LRPPRC: variants seen among roughly 807,000 people sequenced by gnomAD.
LRPPRC encodes the protein leucine-rich PPR motif-containing protein, mitochondrial.
Under a neutral mutation model 180.3 loss-of-function variants are expected in LRPPRC, and 120 were observed. That is an observed-to-expected ratio of 0.67 (90% CI 0.57 to 0.77). The LOEUF (loss-of-function observed/expected upper bound fraction) is 0.77, where lower values mean the gene tolerates loss of function less well. LRPPRC is among the 30% of genes least tolerant of loss of function. The pLI is 0.00. For missense variants in LRPPRC, 2,012 were observed against 1,657.2 expected (o/e 1.21, Z -3.72); for synonymous variants, 723 against 600.0 (o/e 1.21, Z -3.00).
chr2:43,960,004 G>A (rs1234414655), intron 13 of LRPPRC, among the ~76,000 whole-genome samples: 1 of 152,172 alleles, frequency 6.6e-6, no homozygotes, highest in African/African-American at 2.4e-5. Context: ...ACTTCTCTAT[G>A]CCTTTAGTCA....
chr2:43,995,697 G>A (rs986724734), intron 1 of LRPPRC, 102 bp downstream of exon 1: 6 of 1,131,224 alleles, frequency 5.3e-6, no homozygotes, highest in African/African-American at 3.3e-5. Context: ...GGGGCGGGGA[G>A]AAGGGTGGCG....
intron 25 of LRPPRC, among the ~76,000 whole-genome samples, chr2:43,927,909 T>G (rs1671948061): frequency 6.6e-6 from 1 of 152,232 alleles, no homozygotes; most frequent in Non-Finnish European, 1.5e-5. Flanking sequence ...GATTTCTGGC[T>G]TATCTCTTAA....
intron 31 of LRPPRC, chr2:43,903,316 A>G (rs537916050): frequency 6.6e-6 from 1 of 152,354 alleles, no homozygotes; most frequent in Middle Eastern, 3.4e-3. Flanking sequence ...ATTACACTGT[A>G]CAAGTGCCAC....
At position 43,920,296 on chromosome 2, in the gene LRPPRC, C is replaced by G. The variant is rs141057744; in HGVS notation, c.2897-1898G>C. 9.1e-3 allele frequency among the ~76,000 whole-genome samples: 1,379 copies of G among 152,004 alleles called. 10 individuals carry two copies. Among genetic ancestry groups the G allele is most frequent in the Non-Finnish European group, 0.015 (993 of 67,970 alleles). On this transcript the variant is annotated intron_variant, in intron 27 of 37. Transcript: ENST00000260665. ...GATTACAGGTGCGCGCCAGCACACC[C>G]CACTAATTTTTGTATTTTTAGTAGA... is the stretch of plus-strand genomic sequence containing the variant.
intron 27 of LRPPRC, among the ~76,000 whole-genome samples, chr2:43,923,750 G>T (rs188394842): frequency 6.6e-6 from 1 of 151,586 alleles, no homozygotes; most frequent in East Asian, 1.9e-4. Flanking sequence ...CTTCCATGAG[G>T]ACTACTTGAA....
intron 20 of LRPPRC, 136 bp from the exon 21 acceptor site, chr2:43,946,379 C>G (rs751261758): frequency 2.0e-4 from 139 of 688,218 alleles, no homozygotes; most frequent in Admixed American, 3.5e-4. Context: ...AACAACCTGA[C>G]TCTGCCCCTT....
chr2:43,901,794 G>A, intron 31 of LRPPRC: 1 of 404,638 alleles, frequency 2.5e-6, no homozygotes, highest in Non-Finnish European at 4.5e-6. Context: ...GTTCCATTTA[G>A]GGATAACATT....
At chr2:43,923,526 G>C (rs964325932) in intron 27 of LRPPRC, among the ~76,000 whole-genome samples, 1 of 152,138 alleles carries the variant, frequency 6.6e-6, no homozygotes, top group Non-Finnish European at 1.5e-5. Context: ...TGAATAGGAA[G>C]AGTAAGTTTG....
Position 43,979,735 on chromosome 2 carries a change from G to A in LRPPRC, c.469+91C>T, listed in dbSNP as rs916036844. ...AATCAAGTAGCCCTTCCATAAAACT[G>A]AATTACAGCATTTATGTAAACAAAC... On this transcript the variant is annotated intron_variant, in intron 3 of 37. Transcript: ENST00000260665. The A allele has an allele frequency of 7.0e-6, 8 of 1,150,380 alleles. No individual in the cohort carries two copies. In the Admixed American group the frequency reaches 1.5e-4, roughly 21 times the overall value. 71.3% of individuals were successfully genotyped at this position (1,150,380 alleles called of 1,614,324 possible).
At chr2:43,989,980 G>A (rs1466230077) in intron 1 of LRPPRC, among the ~76,000 whole-genome samples, 2 of 152,206 alleles carry the variant, frequency 1.3e-5, no homozygotes, top group Non-Finnish European at 2.9e-5. Flanking sequence ...TTGGGAGGCT[G>A]AGGTGGTGGA....
intron 14 of LRPPRC, among the ~76,000 whole-genome samples, chr2:43,955,913 A>C (rs948518639): frequency 7.9e-5 from 12 of 152,160 alleles, no homozygotes; most frequent in Admixed American, 7.2e-4. Flanking sequence ...TCTGCAAGAG[A>C]GATGTGCGAA....
At chr2:43,890,233 C>T (rs1011846553) in intron 36 of LRPPRC, 1 of 417,446 alleles carries the variant, frequency 2.4e-6, no homozygotes, top group Non-Finnish European at 4.8e-6. Flanking sequence ...CATTCAATCC[C>T]CTTTGGCTTA....
intron 37 of LRPPRC, among the ~76,000 whole-genome samples, chr2:43,889,106 G>A (rs553600649): frequency 1.3e-5 from 2 of 152,214 alleles, no homozygotes; most frequent in East Asian, 3.9e-4. Context: ...CACGAGGTCA[G>A]CAGTTCAAGA....
At position 43,982,396 on chromosome 2, in the gene LRPPRC, G is replaced by A. The variant is rs1674351767; in HGVS notation, c.188C>T (p.Ala63Val). 1.8e-5 allele frequency: 29 copies of A among 1,613,832 alleles called. 1 individual carries two copies. In the East Asian group the frequency reaches 6.2e-4, roughly 35 times the overall value. ...CTCCTCTTGAATATCTTTTTCTTTG[G>A]CAGCAATGGCATACAGCCTGGCTGG... The part of the protein sequence containing the change: ...LSPARLYAIA[A>V]KEKDIQEEST... Residue 63 changes from alanine (A) to valine (V), a missense_variant, in exon 2 of 38, where the codon GCC becomes GTC. Ala to Val is a moderately conservative substitution (Grantham distance 64). Coordinates refer to ENST00000260665, the MANE Select transcript of LRPPRC (RefSeq NM_133259.4).
intron 23 of LRPPRC, among the ~76,000 whole-genome samples, chr2:43,938,637 C>T (rs1220539553): frequency 6.6e-6 from 1 of 152,126 alleles, no homozygotes; most frequent in Non-Finnish European, 1.5e-5. Context: ...CTGATAGTAC[C>T]ACTCATTTGA....
Position 43,948,499 on chromosome 2 carries a change from A to T in LRPPRC, c.1755T>A (p.Leu585=), listed in dbSNP as rs1672781408. The change falls in exon 17 of 38, where the codon CTT becomes CTA. Residue 585 remains leucine, a synonymous_variant. Coordinates refer to ENST00000260665, the MANE Select transcript of LRPPRC (RefSeq NM_133259.4). ...RGPTEAVGYF[L]YNLIDSMSDS... ...CACTCATGCTGTCAATCAAGTTATA[A>T]AGAAAATAGCCAACAGCTTCTGTGG... 7 of 1,600,342 alleles carry T rather than the reference A, an allele frequency of 4.4e-6. No homozygotes were observed. Among genetic ancestry groups the T allele is most frequent in the Non-Finnish European group, 6.0e-6 (7 of 1,167,556 alleles).
At chr2:43,976,418 T>C (rs765836036) in intron 5 of LRPPRC, among the ~76,000 whole-genome samples, 189 bp from the exon 6 acceptor site, 39 of 152,272 alleles carry the variant, frequency 2.6e-4, no homozygotes, top group South Asian at 1.0e-3. Context: ...CTCTAATGTA[T>C]CAACAGTCTT....
chr2:43,962,337 G>C (rs1363459358), intron 12 of LRPPRC, among the ~76,000 whole-genome samples: 1 of 152,076 alleles, frequency 6.6e-6, no homozygotes, highest in Non-Finnish European at 1.5e-5. Context: ...AGGGAAAGAG[G>C]TGAAGACACT....
intron 22 of LRPPRC, among the ~76,000 whole-genome samples, chr2:43,945,110 T>C (rs942169414): frequency 2.0e-5 from 3 of 152,040 alleles, no homozygotes; most frequent in Non-Finnish European, 2.9e-5. Flanking sequence ...GCTGCAGAAA[T>C]GCAAAAAGCA....
Sources: gnomAD v4.1 joint callset for allele counts (sites outside exome capture counted in the v4.1 genomes callset) on GRCh38, gnomAD v4.1.1 for gene constraint, MANE v1.5 for transcripts, NCBI Gene and HGNC (gene_info 2026-07-23, HGNC 2026-07-21) for gene names.